Variants in ZFHX3 observed in about 807,000 individuals in gnomAD.
The protein encoded by ZFHX3 is zinc finger homeobox protein 3.
Under a neutral mutation model 279.1 loss-of-function variants are expected in ZFHX3, and 42 were observed. The observed-to-expected ratio is 0.15, with a 90% CI of 0.12 to 0.19. ZFHX3 has a LOEUF of 0.19. Ranked by LOEUF, ZFHX3 falls within the 10% of genes least tolerant of loss-of-function variation. ZFHX3 has a pLI of 1.00. For missense variants in ZFHX3, 4,981 were observed against 4,754.0 expected (o/e 1.05, Z -1.40); for synonymous variants, 2,293 against 1,957.8 (o/e 1.17, Z -4.52).
At chr16:72,930,689 T>C (rs769993607) in intron 3 of ZFHX3, among the ~76,000 whole-genome samples, 1 of 152,162 alleles carries the variant, frequency 6.6e-6, no homozygotes, top group East Asian at 1.9e-4. Context: ...TCAGAACTGA[T>C]ACATTTAGAA....
At chr16:73,551,187 C>A (rs1471521465) in intron 2 of ZFHX3, among the ~76,000 whole-genome samples, 1 of 152,180 alleles carries the variant, frequency 6.6e-6, no homozygotes, top group African/African-American at 2.4e-5. Context: ...AGTTTTAACA[C>A]CTTGTCTGAA....
At chr16:73,833,343 G>A (rs896586359) in intron 1 of ZFHX3, among the ~76,000 whole-genome samples, 31 of 152,098 alleles carry the variant, frequency 2.0e-4, no homozygotes, top group South Asian at 6.2e-4. Flanking sequence ...GGGCAGCACA[G>A]CTAGACCCCA....
intron 3 of ZFHX3, among the ~76,000 whole-genome samples, chr16:73,355,523 G>A (rs2016325453): frequency 6.6e-6 from 1 of 152,184 alleles, no homozygotes; most frequent in Admixed American, 6.5e-5. Context: ...CTAAAGAGCA[G>A]GGCAGGAGCT....
intron 1 of ZFHX3, among the ~76,000 whole-genome samples, chr16:73,722,634 T>C (rs1284094963): frequency 1.3e-5 from 2 of 152,162 alleles, no homozygotes; most frequent in East Asian, 3.9e-4. Flanking sequence ...GAGAACTAAA[T>C]TGTAAAGGTG....
Position 72,794,117 on chromosome 16 carries a change from G to A in ZFHX3, c.8565C>T (p.Asn2855=), listed in dbSNP as rs1456882629. ...CAGTTGCTATTCCCGTTGCACTGTC[G>A]TTATCTGCGTTGCCCTCGTCTCCAG... is the stretch of plus-strand genomic sequence containing the variant. The part of the protein sequence containing the change: ...TTTGDEGNAD[N]DSATGIATET... Residue 2855 remains asparagine, a synonymous_variant, in exon 9 of 10, where the codon AAC becomes AAT. Transcript: ENST00000268489. This position sits in a 1 kb window ranked among gnomAD's most constrained non-coding sequence, Gnocchi z 4.2. The A allele has an allele frequency of 5.6e-6, 9 of 1,614,094 alleles. No homozygotes were observed. The highest frequency in any genetic ancestry group is 4.0e-5 in the African/African-American group (3 of 74,922).
intron 1 of ZFHX3, among the ~76,000 whole-genome samples, chr16:73,723,024 A>G (rs1452719197): frequency 6.6e-6 from 1 of 152,198 alleles, no homozygotes; most frequent in African/African-American, 2.4e-5. Context: ...CTAAGGCCCC[A>G]TGACATAGTG....
Position 72,795,358 on chromosome 16 carries a change from G to C in ZFHX3, c.7324C>G (p.Gln2442Glu), listed in dbSNP as rs1405412868. The C allele has an allele frequency of 1.2e-6, 2 of 1,613,972 alleles. No homozygotes were observed. Among genetic ancestry groups the C allele is most frequent in the South Asian group, 1.1e-5 (1 of 91,084 alleles). ...GGTTGTCCTTGCTTTTCTTGGGTTT[G>C]GTTTGGCTGTGCACTGGGAGCTTCC... ...LAEAPSAQPN[Q>E]TQEKQGQPKP... Residue 2442 changes from glutamine to glutamate, a missense_variant, in exon 9 of 10, where the codon CAA (glutamine) becomes GAA (glutamate). Gln to Glu is a conservative substitution (Grantham distance 29). This residue lies in a region of ZFHX3 where 744 missense variants were observed against 701.3 expected (regional missense o/e 1.06). Transcript: ENST00000268489.
At chr16:73,283,972 A>T (rs1437355042) in intron 4 of ZFHX3, among the ~76,000 whole-genome samples, 1 of 151,642 alleles carries the variant, frequency 6.6e-6, no homozygotes, top group Non-Finnish European at 1.5e-5. Flanking sequence ...TATTTTAAAA[A>T]ACAGTTTTTA....
intron 4 of ZFHX3, among the ~76,000 whole-genome samples, chr16:73,272,132 G>A (rs746278692): frequency 6.6e-6 from 1 of 152,130 alleles, no homozygotes; most frequent in Non-Finnish European, 1.5e-5. Context: ...AGCAGGTAGA[G>A]CTAACCGTAT....
chr16:72,892,746 G>A (rs1448972127), intron 3 of ZFHX3, among the ~76,000 whole-genome samples: 1 of 152,062 alleles, frequency 6.6e-6, no homozygotes, highest in Admixed American at 6.6e-5. Flanking sequence ...GACTTCAAGC[G>A]ATCCACCCGC....
intron 1 of ZFHX3, among the ~76,000 whole-genome samples, chr16:73,770,072 C>T (rs966344790): frequency 3.3e-5 from 5 of 152,200 alleles, no homozygotes; most frequent in African/African-American, 1.2e-4. Context: ...TGTTACGTTA[C>T]ATGGCAAAGG....
intron 2 of ZFHX3, among the ~76,000 whole-genome samples, chr16:73,472,766 G>T (rs977129486): frequency 6.6e-6 from 1 of 152,068 alleles, no homozygotes; most frequent in Non-Finnish European, 1.5e-5. Flanking sequence ...CATGGTTTGG[G>T]CAGTAGCTGT....
At chr16:72,828,424 T>C (rs1397987455) in intron 5 of ZFHX3, among the ~76,000 whole-genome samples, 2 of 152,188 alleles carry the variant, frequency 1.3e-5, no homozygotes, top group Non-Finnish European at 2.9e-5. Context: ...ATAGAAAGCT[T>C]ATCATCTTGA....
chr16:73,386,572 AG>A (rs1427735677), intron 3 of ZFHX3, among the ~76,000 whole-genome samples: 1 of 152,116 alleles, frequency 6.6e-6, no homozygotes, highest in Admixed American at 6.6e-5. Flanking sequence ...TTTCATAGGG[AG>A]CAATTCCTTT....
intron 5 of ZFHX3, among the ~76,000 whole-genome samples, chr16:73,219,072 T>C (rs946808713): frequency 2.6e-5 from 4 of 152,250 alleles, no homozygotes; most frequent in Non-Finnish European, 4.4e-5. Context: ...TCTGGTCTTT[T>C]ACTTAACCTA....
intron 1 of ZFHX3, among the ~76,000 whole-genome samples, chr16:73,795,455 T>C (rs948265909): frequency 6.6e-6 from 1 of 152,164 alleles, no homozygotes; most frequent in Non-Finnish European, 1.5e-5. Flanking sequence ...TCGATGAGCC[T>C]GGAAATGCAG....
chr16:73,173,680 A>T (rs575287220), intron 5 of ZFHX3, among the ~76,000 whole-genome samples: 21 of 152,232 alleles, frequency 1.4e-4, no homozygotes, highest in African/African-American at 3.6e-4. Flanking sequence ...AGAGCATCCC[A>T]TGTGGCTACT....
At chr16:72,886,846 C>G (rs1301255378) in intron 4 of ZFHX3, among the ~76,000 whole-genome samples, 1 of 152,230 alleles carries the variant, frequency 6.6e-6, no homozygotes, top group African/African-American at 2.4e-5. Context: ...GCCTCAGCCT[C>G]AGGCCCATCC....
chr16:73,289,338 G>C (rs912490188), intron 4 of ZFHX3, among the ~76,000 whole-genome samples: 1 of 151,928 alleles, frequency 6.6e-6, no homozygotes, highest in South Asian at 2.1e-4. Flanking sequence ...GGGCAGGGTG[G>C]GGGGAGGTAG....
Sources: allele counts gnomAD v4.1 joint callset (sites outside exome capture counted in the v4.1 genomes callset), GRCh38; gene constraint gnomAD v4.1.1; regional missense constraint gnomAD v4.1.1; non-coding constraint Gnocchi (gnomAD v3.1); transcripts MANE v1.5; gene names NCBI Gene and HGNC (gene_info 2026-07-23, HGNC 2026-07-21).